The following TMEM131 variants were observed in gnomAD, a reference collection of about 807,000 sequenced individuals.
TMEM131 encodes the protein 2610524E03Rik.
In TMEM131, 66 loss-of-function variants were observed where a neutral mutation model predicts 211.6. The observed-to-expected ratio is 0.31, with a 90% CI of 0.26 to 0.38. TMEM131 has a LOEUF of 0.38. Among genes scored for constraint, TMEM131 ranks in the 10% least tolerant of loss-of-function variants. TMEM131 has a pLI of 1.00. For missense variants in TMEM131, 2,036 were observed against 2,299.3 expected (o/e 0.89, Z 2.34); for synonymous variants, 844 against 841.3 (o/e 1.00, Z -0.06).
chr2:97,934,182 A>G (rs540472470), intron 1 of TMEM131, among the ~76,000 whole-genome samples: 11 of 152,206 alleles, frequency 7.2e-5, no homozygotes, highest in Non-Finnish European at 1.5e-4. Context: ...TGCAGAATAC[A>G]AGGTCTAAAT....
intron 1 of TMEM131, among the ~76,000 whole-genome samples, chr2:97,986,633 C>A (rs907991454): frequency 3.9e-5 from 6 of 152,156 alleles, no homozygotes; most frequent in Admixed American, 2.6e-4. Context: ...AGGTGGACCC[C>A]TAAATACCTA....
At chr2:97,881,999 T>C (rs1273416190) in intron 4 of TMEM131, among the ~76,000 whole-genome samples, 1 of 152,246 alleles carries the variant, frequency 6.6e-6, no homozygotes, top group South Asian at 2.1e-4. Context: ...TCTGAAGACA[T>C]TGATAATTTA....
At chr2:97,874,072 A>C (rs1348971589) in intron 4 of TMEM131, among the ~76,000 whole-genome samples, 3 of 152,248 alleles carry the variant, frequency 2.0e-5, no homozygotes, top group Non-Finnish European at 4.4e-5. Context: ...AACTTTGTGA[A>C]GCATACACAA....
chr2:97,974,448 A>G (rs1679442182), intron 1 of TMEM131, among the ~76,000 whole-genome samples: 1 of 152,164 alleles, frequency 6.6e-6, no homozygotes. Flanking sequence ...AGAAATAGTA[A>G]GCAAAAATGT....
chr2:97,777,790 G>A (rs1679808824), intron 31 of TMEM131, among the ~76,000 whole-genome samples: 1 of 152,100 alleles, frequency 6.6e-6, no homozygotes, highest in African/African-American at 2.4e-5. Context: ...GCCCCAGCTT[G>A]GACAACAGAG....
intron 11 of TMEM131, among the ~76,000 whole-genome samples, chr2:97,829,541 C>T (rs528726338): frequency 2.7e-4 from 41 of 152,250 alleles, no homozygotes; most frequent in African/African-American, 8.9e-4. Context: ...GTAAAATGGA[C>T]GAATCAGCAG....
intron 2 of TMEM131, among the ~76,000 whole-genome samples, chr2:97,922,395 T>C (rs1156528946): frequency 1.3e-5 from 2 of 152,030 alleles, no homozygotes; most frequent in African/African-American, 2.4e-5. Context: ...CAGAAAAAAA[T>C]CATTTGAACA....
At chr2:97,826,853 T>C (rs1432851183) in intron 11 of TMEM131, among the ~76,000 whole-genome samples, 3 of 152,126 alleles carry the variant, frequency 2.0e-5, no homozygotes, top group Non-Finnish European at 4.4e-5. Context: ...AACAAGGACA[T>C]AGCCTGAAAG....
In TMEM131 at chr2:97,960,595, A is replaced by C. The variant is rs536593004; in HGVS notation, c.188-33108T>G. 4.6e-5 allele frequency among the ~76,000 whole-genome samples: 7 copies of C among 152,270 alleles called. No individual in the cohort carries two copies. In the East Asian group the frequency reaches 1.4e-3, roughly 29 times the overall value. On this transcript the variant is annotated intron_variant, in intron 1 of 40. Coordinates refer to ENST00000186436, the MANE Select transcript of TMEM131 (RefSeq NM_015348.2). ...TTAGATGGTTTCACTGGTTAATTCT[A>C]ACAAATGATGCTAAAACGGCTTAAA...
At chr2:97,923,658 A>G (rs528835966) in intron 2 of TMEM131, among the ~76,000 whole-genome samples, 73 of 149,116 alleles carry the variant, frequency 4.9e-4, no homozygotes, top group African/African-American at 1.7e-3. Context: ...AAAAAAGACA[A>G]AATTCTGTTT....
At chr2:97,981,215 T>C (rs772873975) in intron 1 of TMEM131, among the ~76,000 whole-genome samples, 26 of 152,124 alleles carry the variant, frequency 1.7e-4, no homozygotes, top group Non-Finnish European at 3.2e-4. Context: ...TGATCCATTA[T>C]GTGGATGTAA....
chr2:97,944,056 T>TG, intron 1 of TMEM131, among the ~76,000 whole-genome samples: 8 of 152,064 alleles, frequency 5.3e-5, no homozygotes, highest in Non-Finnish European at 7.4e-5. Flanking sequence ...CACTCCAGCC[T>TG]GGCGACAGAG....
chr2:97,905,547 T>TTA (rs1676033912), intron 3 of TMEM131, among the ~76,000 whole-genome samples: 1 of 152,144 alleles, frequency 6.6e-6, no homozygotes, highest in Non-Finnish European at 1.5e-5. Flanking sequence ...CACCAAGGGT[T>TTA]TATTTGTTTT....
rs200177859 is a variant in TMEM131 at position 97,935,660 on chromosome 2, G to GA, written c.188-8174dup. Among the ~76,000 whole-genome samples, 1,055 of 151,754 alleles carry GA rather than the reference G, an allele frequency of 7.0e-3. 50 individuals are homozygous for GA. The highest frequency in any genetic ancestry group is 0.061 in the Admixed American group (936 of 15,256). ...GAAGAAACAAAATAGCACAGAAGAAGAAAAAAAAGCAACAGAGGTACTGTC... is the reference window on the plus strand; with the variant it reads ...GAAGAAACAAAATAGCACAGAAGAAGAAAAAAAAAGCAACAGAGGTACTGTC... On this transcript the variant is annotated intron_variant, in intron 1 of 40. Transcript: ENST00000186436.
chr2:97,775,722 T>G, intron 32 of TMEM131, 121 bp downstream of exon 32: 1 of 1,121,566 alleles, frequency 8.9e-7, no homozygotes, highest in Non-Finnish European at 1.2e-6. Context: ...CAGTAGGTGC[T>G]CATCCTAGAT....
At chr2:97,957,914 A>G (rs1678644588) in intron 1 of TMEM131, among the ~76,000 whole-genome samples, 1 of 152,224 alleles carries the variant, frequency 6.6e-6, no homozygotes, top group African/African-American at 2.4e-5. Flanking sequence ...CTCCTCAAGG[A>G]ACTCATACAC....
chr2:97,864,815 G>C (rs968930800), intron 4 of TMEM131, among the ~76,000 whole-genome samples: 1 of 152,146 alleles, frequency 6.6e-6, no homozygotes, highest in African/African-American at 2.4e-5. Flanking sequence ...GAAGGCTTCC[G>C]AACTTTATTA....
chr2:97,883,204 G>A (rs1183832634), intron 4 of TMEM131, among the ~76,000 whole-genome samples: 1 of 152,194 alleles, frequency 6.6e-6, no homozygotes, highest in East Asian at 1.9e-4. Context: ...TCAGAGATTA[G>A]GTTTCAATGT....
At chr2:97,790,682 C>T (rs554069156) in intron 31 of TMEM131, among the ~76,000 whole-genome samples, 3 of 152,234 alleles carry the variant, frequency 2.0e-5, no homozygotes, top group South Asian at 4.1e-4. Flanking sequence ...ATTTTATTCA[C>T]GCCCTAAATG....
Sources: allele counts gnomAD v4.1 joint callset (sites outside exome capture counted in the v4.1 genomes callset), GRCh38; gene constraint gnomAD v4.1.1; transcripts MANE v1.5; gene names NCBI Gene and HGNC (gene_info 2026-07-23, HGNC 2026-07-21).